ATR: variants seen among roughly 807,000 people sequenced by gnomAD.
ATR encodes the protein ATR checkpoint kinase, also known as serine/threonine-protein kinase ATR.
Under a neutral mutation model 305.3 loss-of-function variants are expected in ATR, and 142 were observed. That is an observed-to-expected ratio of 0.47 (90% CI 0.41 to 0.53). The LOEUF (loss-of-function observed/expected upper bound fraction) is 0.53, where lower values mean the gene tolerates loss of function less well. Ranked by LOEUF, ATR falls within the 20% of genes least tolerant of loss-of-function variation. The pLI, the probability that ATR is intolerant of heterozygous loss-of-function variation, is 0.00. For missense variants in ATR, 2,135 were observed against 3,133.1 expected (o/e 0.68, Z 7.60); for synonymous variants, 1,050 against 1,068.1 (o/e 0.98, Z 0.33).
chr3:142,567,116 A>G (rs1192401728), intron 2 of ATR, among the ~76,000 whole-genome samples: 1 of 152,196 alleles, frequency 6.6e-6, no homozygotes, highest in Non-Finnish European at 1.5e-5. Context: ...CTATTTATCA[A>G]ACATGTACTT....
In ATR at chr3:142,451,924, G is replaced by A; in HGVS notation, c.7761+1204C>T. The A allele has an allele frequency of 2.4e-6, 3 of 1,270,924 alleles. No homozygotes were observed. The South Asian group carries it at 4.1e-5, about 17-fold the overall frequency. The allele number at this position is 1,270,924 out of a possible 1,614,324, so 78.7% of individuals were successfully genotyped here. ...AGATATTGGAATCCCTCAGTAAAAGGTATCCAGTACAAGCCAAGTATATCT... is the reference window on the plus strand; with the variant it reads ...AGATATTGGAATCCCTCAGTAAAAGATATCCAGTACAAGCCAAGTATATCT... On this transcript the variant is annotated intron_variant, in intron 46 of 46. Transcript: ENST00000350721.
chr3:142,559,845 A>T (rs1483147458), intron 6 of ATR, among the ~76,000 whole-genome samples: 1 of 152,240 alleles, frequency 6.6e-6, no homozygotes, highest in Non-Finnish European at 1.5e-5. Context: ...GTAGTGAGCC[A>T]TGATCATGCC....
chr3:142,457,091 T>C (rs187646060), intron 45 of ATR, among the ~76,000 whole-genome samples: 101 of 152,280 alleles, frequency 6.6e-4, no homozygotes, highest in Admixed American at 1.7e-3. Context: ...AAATGTAGTA[T>C]ATCCATATAA....
At position 142,533,263 on chromosome 3, in the gene ATR, G is replaced by A. The variant is rs2033731608; in HGVS notation, c.3945+1817C>T. Among the ~76,000 whole-genome samples the A allele has an allele frequency of 3.3e-5, 5 of 152,058 alleles. No individual in the cohort carries two copies. In the South Asian group the frequency reaches 1.0e-3, roughly 32 times the overall value. ...GGAGCTATCATCACACCCCTGTACT[G>A]GAGAGACCCTGCCTCTAAAAGTAAA... On this transcript the variant is annotated intron_variant, in intron 21 of 46. Transcript: ENST00000350721.
At chr3:142,465,442 A>T (rs552997367) in intron 40 of ATR, 1 of 346,504 alleles carries the variant, frequency 2.9e-6, no homozygotes, top group African/African-American at 2.1e-5. Flanking sequence ...AAACATTTTC[A>T]CCCATTAAAA....
At chr3:142,452,494 G>A (rs2070813739) in intron 46 of ATR, 1 of 693,906 alleles carries the variant, frequency 1.4e-6, no homozygotes, top group South Asian at 6.4e-5. Context: ...GGCCAACATG[G>A]TGAAACCCAT....
intron 8 of ATR, 39 bp from the exon 9 acceptor site, chr3:142,556,614 T>C (rs1445085421): frequency 6.3e-7 from 1 of 1,587,380 alleles, no homozygotes. Flanking sequence ...TTTCTACTAA[T>C]GTTAATTTTA....
chr3:142,481,851 CTT>C (rs1430171139), intron 36 of ATR, among the ~76,000 whole-genome samples: 1 of 151,324 alleles, frequency 6.6e-6, no homozygotes, highest in Non-Finnish European at 1.5e-5. Context: ...GAGATAGAGT[CTT>C]TCTCTGTCAC....
At chr3:142,554,695 G>A (rs2034600982) in intron 10 of ATR, among the ~76,000 whole-genome samples, 1 of 152,142 alleles carries the variant, frequency 6.6e-6, no homozygotes, top group African/African-American at 2.4e-5. Context: ...GCCAAGGTGG[G>A]AGGATCACTT....
intron 45 of ATR, among the ~76,000 whole-genome samples, chr3:142,454,844 G>A (rs147770864): frequency 3.3e-5 from 5 of 152,320 alleles, no homozygotes; most frequent in East Asian, 3.9e-4. Context: ...GTCAAAGACT[G>A]ACTGCTCTAC....
intron 16 of ATR, among the ~76,000 whole-genome samples, chr3:142,544,880 T>A (rs1245513461): frequency 1.3e-5 from 2 of 152,200 alleles, no homozygotes; most frequent in Non-Finnish European, 2.9e-5. Context: ...GTTTTTAAAA[T>A]CTAAAATTGC....
intron 34 of ATR, among the ~76,000 whole-genome samples, chr3:142,495,871 C>T (rs1407638254): frequency 6.6e-6 from 1 of 152,118 alleles, no homozygotes; most frequent in Non-Finnish European, 1.5e-5. Context: ...CTGCCGTGAA[C>T]TTCTGTTCAG....
At chr3:142,451,371 A>G (rs1349682554) in intron 46 of ATR, 2 of 1,391,728 alleles carry the variant, frequency 1.4e-6, no homozygotes, top group East Asian at 7.0e-5. Context: ...TGTGTTTTAC[A>G]TACATAACAT....
chr3:142,501,901 C>T (rs539157826), intron 30 of ATR, among the ~76,000 whole-genome samples: 9 of 152,138 alleles, frequency 5.9e-5, no homozygotes, highest in South Asian at 2.1e-4. Flanking sequence ...TGCACCATCA[C>T]GCCCAGCTAA....
chr3:142,502,275 T>C (rs1358277401), intron 30 of ATR, among the ~76,000 whole-genome samples: 1 of 152,228 alleles, frequency 6.6e-6, no homozygotes, highest in African/African-American at 2.4e-5. Flanking sequence ...CGTATGTTCA[T>C]TGCAGCACTA....
chr3:142,481,664 A>AT (rs1428074091), intron 36 of ATR, among the ~76,000 whole-genome samples: 3 of 151,798 alleles, frequency 2.0e-5, no homozygotes, highest in Admixed American at 2.0e-4. Flanking sequence ...TGATTTATTT[A>AT]TTTTTTGTAG....
intron 27 of ATR, among the ~76,000 whole-genome samples, chr3:142,509,854 G>A (rs113010814): frequency 0.018 from 2,726 of 152,156 alleles, 29 homozygotes; most frequent in South Asian, 0.041. Flanking sequence ...AGTGGCTCAC[G>A]TCTGTAATCC....
intron 44 of ATR, 65 bp downstream of exon 44, chr3:142,458,893 T>C: frequency 1.3e-6 from 2 of 1,549,062 alleles, no homozygotes; most frequent in African/African-American, 2.7e-5. Context: ...TCAAGGAAGA[T>C]ACAGTTGTTG....
At chr3:142,516,601 C>T (rs2032869860) in intron 24 of ATR, among the ~76,000 whole-genome samples, 2 of 152,198 alleles carry the variant, frequency 1.3e-5, no homozygotes, top group South Asian at 4.1e-4. Flanking sequence ...ATACCTCCTA[C>T]TTCACAGAGT....
Sources: gnomAD v4.1 joint callset for allele counts (sites outside exome capture counted in the v4.1 genomes callset) on GRCh38, gnomAD v4.1.1 for gene constraint, MANE v1.5 for transcripts, NCBI Gene and HGNC (gene_info 2026-07-23, HGNC 2026-07-21) for gene names.